The following SLC60A1 variants were observed in gnomAD, a reference collection of about 807,000 sequenced individuals.
SLC60A1 encodes major facilitator superfamily domain containing 4.
the SLC60A1 span, among the ~76,000 whole-genome samples, chr1:205,582,030 T>G: frequency 6.6e-6 from 1 of 152,214 alleles, no homozygotes; most frequent in South Asian, 2.1e-4. Context: ...CTTCCTTTCC[T>G]TTGTAGATTT....
At chr1:205,569,320 CCCCCGCCCCGCGG>C in the SLC60A1 span, 1 of 1,456,098 alleles carries the variant, frequency 6.9e-7, no homozygotes, top group South Asian at 1.3e-5. Flanking sequence ...CGCCCGTGCG[CCCCCGCCCCGCGG>C]CCCCCGGCAC....
chr1:205,601,886 A>C, the SLC60A1 span: 1 of 152,218 alleles, frequency 6.6e-6, no homozygotes, highest in African/African-American at 2.4e-5. Flanking sequence ...CCCAGCCAAA[A>C]ATTTTACATC....
the SLC60A1 span, chr1:205,585,008 G>T: frequency 6.2e-7 from 1 of 1,607,856 alleles, no homozygotes; most frequent in African/African-American, 1.3e-5. This position sits in a 1 kb window ranked among gnomAD's most constrained non-coding sequence, Gnocchi z 4.2. Context: ...CTGCCTCAGA[G>T]GGCGCCCCCT....
At chr1:205,578,049 A>G in the SLC60A1 span, among the ~76,000 whole-genome samples, 1 of 152,134 alleles carries the variant, frequency 6.6e-6, no homozygotes, top group Non-Finnish European at 1.5e-5. Flanking sequence ...TCCCCTCAGG[A>G]CTTTGCTGCA....
At chr1:205,594,300 T>C in the SLC60A1 span, among the ~76,000 whole-genome samples, 1 of 152,230 alleles carries the variant, frequency 6.6e-6, no homozygotes, top group Non-Finnish European at 1.5e-5. Flanking sequence ...ATAAGGTAGC[T>C]ATCACATGTC....
the SLC60A1 span, chr1:205,580,884 G>A: frequency 2.3e-5 from 37 of 1,613,982 alleles, no homozygotes; most frequent in Admixed American, 8.3e-5. This position sits in a 1 kb window ranked among gnomAD's most constrained non-coding sequence, Gnocchi z 5.0. Context: ...GCAGGGACCC[G>A]AGTGTCCTAT....
the SLC60A1 span, chr1:205,586,330 A>G: frequency 8.6e-7 from 1 of 1,163,676 alleles, no homozygotes; most frequent in Non-Finnish European, 1.2e-6. Context: ...ACTCAGGAGT[A>G]GAGGGAAGAG....
the SLC60A1 span, among the ~76,000 whole-genome samples, chr1:205,574,516 G>A: frequency 1.3e-5 from 2 of 152,078 alleles, no homozygotes; most frequent in East Asian, 1.9e-4. Flanking sequence ...CTCTTGAGCC[G>A]GATCCTGTTT....
chr1:205,575,022 A>AG, the SLC60A1 span, among the ~76,000 whole-genome samples: 1 of 152,148 alleles, frequency 6.6e-6, no homozygotes, highest in Non-Finnish European at 1.5e-5. Context: ...ACCAAGTTAG[A>AG]GGGGGGCCTT....
At chr1:205,588,382 A>T in the SLC60A1 span, among the ~76,000 whole-genome samples, 1 of 150,034 alleles carries the variant, frequency 6.7e-6, no homozygotes, top group Admixed American at 6.7e-5. Context: ...AGGCAGGAGA[A>T]TCACTTGAAC....
the SLC60A1 span, among the ~76,000 whole-genome samples, chr1:205,569,833 C>G: frequency 6.6e-6 from 1 of 152,122 alleles, no homozygotes; most frequent in African/African-American, 2.4e-5. Flanking sequence ...GTAGGCAGCT[C>G]CACATCAGCT....
chr1:205,600,739 C>T, the SLC60A1 span: 387 of 406,550 alleles, frequency 9.5e-4, 1 homozygote, highest in East Asian at 8.4e-3. Context: ...GACAGCCGCG[C>T]GCTTCACTCC....
At chr1:205,597,963 A>T in the SLC60A1 span, 3 of 1,117,920 alleles carry the variant, frequency 2.7e-6, no homozygotes, top group African/African-American at 4.6e-5. Flanking sequence ...CTGAGTCTCC[A>T]GCAAAGCCAG....
chr1:205,585,565 C>T, the SLC60A1 span, among the ~76,000 whole-genome samples: 269 of 152,342 alleles, frequency 1.8e-3, no homozygotes, highest in Non-Finnish European at 3.1e-3. This position sits in a 1 kb window ranked among gnomAD's most constrained non-coding sequence, Gnocchi z 4.2. Context: ...GCCCTAAAAA[C>T]TTAGATGACC....
At chr1:205,597,373 GTTTTTTTTTTTTT>G in the SLC60A1 span, among the ~76,000 whole-genome samples, 4 of 37,228 alleles carry the variant, frequency 1.1e-4, no homozygotes, top group African/African-American at 2.6e-4. Flanking sequence ...AACCTAGGTT[GTTTTTTTTTTTTT>G]TTTTTTTTTT....
the SLC60A1 span, among the ~76,000 whole-genome samples, chr1:205,585,596 A>G: frequency 2.6e-5 from 4 of 152,204 alleles, no homozygotes; most frequent in Admixed American, 1.3e-4. This position sits in a 1 kb window ranked among gnomAD's most constrained non-coding sequence, Gnocchi z 4.2. Context: ...TACTCGTGAC[A>G]GTACTGGTTG....
At chr1:205,580,756 G>C in the SLC60A1 span, 1 of 1,614,024 alleles carries the variant, frequency 6.2e-7, no homozygotes, top group Non-Finnish European at 8.5e-7. The surrounding 1 kb of genome is among the most constrained non-coding windows in gnomAD (Gnocchi z 5.0). Flanking sequence ...CCAATAGCAC[G>C]GCCAACACCA....
the SLC60A1 span, among the ~76,000 whole-genome samples, chr1:205,593,709 C>T: frequency 1.8e-4 from 28 of 151,960 alleles, no homozygotes; most frequent in Non-Finnish European, 3.8e-4. Context: ...TTATATAAGT[C>T]GTATGTGCTC....
chr1:205,584,543 T>C, the SLC60A1 span, among the ~76,000 whole-genome samples: 2 of 101,154 alleles, frequency 2.0e-5, no homozygotes, highest in African/African-American at 4.3e-5. Context: ...AGTCCTTTTT[T>C]TTTTTAAAAA....
Sources: allele counts gnomAD v4.1 joint callset (sites outside exome capture counted in the v4.1 genomes callset), GRCh38; gene constraint gnomAD v4.1.1; non-coding constraint Gnocchi (gnomAD v3.1); transcripts MANE v1.5; gene names NCBI Gene and HGNC (gene_info 2026-07-23, HGNC 2026-07-21).